Variants in CCSER1 observed in about 807,000 individuals in gnomAD.
CCSER1 encodes the protein coiled-coil serine rich protein 1.
CCSER1 carries 41 observed loss-of-function variants against 82.0 expected under a neutral mutation model. The observed-to-expected ratio is 0.50, with a 90% CI of 0.39 to 0.65. The LOEUF is 0.65. CCSER1 is among the 30% of genes least tolerant of loss of function. CCSER1 has a pLI of 0.00. For synonymous variants in CCSER1, 414 were observed against 383.9 expected, an observed-to-expected ratio of 1.08 and a Z score of -0.92; for missense variants, 1,119 against 1,064.2, an observed-to-expected ratio of 1.05 and a Z score of -0.72.
intron 9 of CCSER1, among the ~76,000 whole-genome samples, chr4:91,005,239 G>A (rs1434355445): frequency 6.6e-6 from 1 of 152,092 alleles, no homozygotes; most frequent in Non-Finnish European, 1.5e-5. Flanking sequence ...CTGACACTAA[G>A]GACAAGTCCT....
intron 7 of CCSER1, among the ~76,000 whole-genome samples, chr4:90,754,013 T>G (rs1193627256): frequency 6.6e-6 from 1 of 152,186 alleles, no homozygotes; most frequent in Non-Finnish European, 1.5e-5. Flanking sequence ...TCATATCAGC[T>G]AATCAAAGGA....
chr4:90,621,376 A>G (rs910141323), intron 5 of CCSER1, among the ~76,000 whole-genome samples: 4 of 152,270 alleles, frequency 2.6e-5, no homozygotes, highest in South Asian at 2.1e-4. Context: ...AGGAGGTATA[A>G]AATGAATAGT....
intron 9 of CCSER1, among the ~76,000 whole-genome samples, chr4:91,013,861 T>TC (rs1172489872): frequency 7.7e-6 from 1 of 130,226 alleles, no homozygotes; most frequent in African/African-American, 2.5e-5. Context: ...GACCTCGTGA[T>TC]CCGCCTCTCT....
chr4:91,215,688 G>A (rs760914545), intron 10 of CCSER1, among the ~76,000 whole-genome samples: 2 of 152,128 alleles, frequency 1.3e-5, no homozygotes, highest in African/African-American at 2.4e-5. Flanking sequence ...ACAGTCCACT[G>A]ACCCAAATGT....
chr4:91,455,845 T>G (rs952903531), intron 10 of CCSER1, among the ~76,000 whole-genome samples: 10 of 152,010 alleles, frequency 6.6e-5, no homozygotes, highest in Admixed American at 2.0e-4. Context: ...GGGGGAAAGT[T>G]GTATATGCAC....
chr4:90,854,212 T>A (rs917260076), intron 8 of CCSER1, among the ~76,000 whole-genome samples: 2 of 152,180 alleles, frequency 1.3e-5, no homozygotes, highest in African/African-American at 4.8e-5. Context: ...ATGGATATTG[T>A]TGAGTTCTAA....
rs191305892 is a variant in CCSER1 at position 90,859,034 on chromosome 4, G to T, written c.2094+43189G>T. On this transcript the variant is annotated intron_variant, in intron 8 of 10. Coordinates refer to ENST00000509176, the MANE Select transcript of CCSER1 (RefSeq NM_001145065.2). ...TACTTGACATTTATGTCTTGAAAGAGAAAGATCAAAATGAAATGTGAATGC... is the reference window on the plus strand; with the variant it reads ...TACTTGACATTTATGTCTTGAAAGATAAAGATCAAAATGAAATGTGAATGC... 9.0e-3 allele frequency among the ~76,000 whole-genome samples: 1,369 copies of T among 152,004 alleles called. 23 individuals carry two copies. The highest frequency in any genetic ancestry group is 0.032 in the African/African-American group (1,309 of 41,534).
chr4:90,383,700 C>T (rs1390021327), intron 3 of CCSER1, among the ~76,000 whole-genome samples: 1 of 151,628 alleles, frequency 6.6e-6, no homozygotes, highest in Non-Finnish European at 1.5e-5. Context: ...GTGTTATGGC[C>T]TTAAGCAAAC....
intron 6 of CCSER1, among the ~76,000 whole-genome samples, chr4:90,657,771 G>T (rs1348542568): frequency 6.6e-6 from 1 of 151,988 alleles, no homozygotes; most frequent in East Asian, 1.9e-4. Context: ...GTAATTTCTT[G>T]AACACATTAA....
intron 10 of CCSER1, among the ~76,000 whole-genome samples, chr4:91,518,366 A>G (rs1222084362): frequency 6.6e-6 from 1 of 152,170 alleles, no homozygotes; most frequent in African/African-American, 2.4e-5. Flanking sequence ...GGTGGGACCC[A>G]TGGGAGACAG....
At chr4:90,204,229 C>G (rs2153408465) in intron 1 of CCSER1, among the ~76,000 whole-genome samples, 1 of 152,260 alleles carries the variant, frequency 6.6e-6, no homozygotes, top group African/African-American at 2.4e-5. Flanking sequence ...GCTTTTGTTG[C>G]CATTGCTTTT....
At chr4:90,288,463 T>C (rs1730311402) in intron 1 of CCSER1, among the ~76,000 whole-genome samples, 1 of 151,998 alleles carries the variant, frequency 6.6e-6, no homozygotes, top group South Asian at 2.1e-4. Context: ...TCTAATATGC[T>C]TATTTGTTTT....
At chr4:91,383,958 T>C (rs1232709288) in intron 10 of CCSER1, among the ~76,000 whole-genome samples, 1 of 152,174 alleles carries the variant, frequency 6.6e-6, no homozygotes, top group Non-Finnish European at 1.5e-5. Context: ...CCAACACTGC[T>C]GTTGGAAGAT....
intron 10 of CCSER1, among the ~76,000 whole-genome samples, chr4:91,152,080 A>T (rs924511497): frequency 6.6e-6 from 1 of 152,146 alleles, no homozygotes; most frequent in African/African-American, 2.4e-5. Context: ...GGGGTGTTAA[A>T]GTTTCCCATT....
chr4:90,392,361 A>T (rs1751330202), intron 3 of CCSER1, among the ~76,000 whole-genome samples: 1 of 152,100 alleles, frequency 6.6e-6, no homozygotes, highest in African/African-American at 2.4e-5. Flanking sequence ...ATGAATCCAT[A>T]TAAATATTAG....
intron 9 of CCSER1, among the ~76,000 whole-genome samples, chr4:90,970,883 A>G (rs1020166380): frequency 1.3e-5 from 2 of 151,992 alleles, no homozygotes; most frequent in East Asian, 1.9e-4. Flanking sequence ...TAGTAACACT[A>G]CATACCAACA....
chr4:90,283,450 A>G, intron 1 of CCSER1, among the ~76,000 whole-genome samples: 1 of 152,034 alleles, frequency 6.6e-6, no homozygotes, highest in East Asian at 1.9e-4. Flanking sequence ...AATCAGGATA[A>G]TTGGAAAAAT....
chr4:91,367,715 A>G (rs1463148706), intron 10 of CCSER1, among the ~76,000 whole-genome samples: 2 of 152,218 alleles, frequency 1.3e-5, no homozygotes, highest in African/African-American at 2.4e-5. Flanking sequence ...TCCTCTCTCA[A>G]TACTACCTGA....
chr4:90,845,997 C>A (rs1015234594), intron 8 of CCSER1, among the ~76,000 whole-genome samples: 1 of 151,916 alleles, frequency 6.6e-6, no homozygotes, highest in Non-Finnish European at 1.5e-5. Flanking sequence ...ACCATAAATG[C>A]TCAATATGAA....
Sources: gnomAD v4.1 joint callset for allele counts (sites outside exome capture counted in the v4.1 genomes callset) on GRCh38, gnomAD v4.1.1 for gene constraint, MANE v1.5 for transcripts, NCBI Gene and HGNC (gene_info 2026-07-23, HGNC 2026-07-21) for gene names.